The following REX1BD variants were observed in gnomAD, a reference collection of about 807,000 sequenced individuals.
The protein encoded by REX1BD is required for excision 1-B domain containing, also known as required for excision 1-B domain-containing protein.
Under a neutral mutation model 24.4 loss-of-function variants are expected in REX1BD, and 22 were observed. The ratio of observed to expected loss-of-function variants is 0.90; its 90% confidence interval spans 0.64 to 1.29. REX1BD has a LOEUF of 1.29. Ranked by LOEUF, REX1BD falls within the 50% of genes most tolerant of loss-of-function variation. REX1BD has a pLI of 0.00. For missense variants in REX1BD, 293 were observed against 285.3 expected (o/e 1.03, Z -0.19); for synonymous variants, 146 against 125.9 (o/e 1.16, Z -1.07).
At position 18,590,864 on chromosome 19, in the gene REX1BD, T is replaced by C. The variant is rs1236339580; in HGVS notation, c.464T>C (p.Leu155Pro). ...EQTRLGTVALLQLMETPELAG... is the reference protein window; with the variant it reads ...EQTRLGTVALPQLMETPELAG... The stretch of plus-strand genomic sequence containing the variant: ...TCATTCCCCCACCAGGTGGCCCTGC[T>C]GCAGTTGATGGAGACGCCAGAGCTG... Residue 155 changes from leucine (L) to proline (P), a missense_variant, in exon 4 of 5, where the codon CTG becomes CCG. Transcript: ENST00000358607. 6.2e-7 allele frequency: 1 copy of C among 1,606,110 alleles called. No homozygotes were observed. The highest frequency in any genetic ancestry group is 1.1e-5 in the South Asian group (1 of 89,554).
At position 18,589,089 on chromosome 19, in the gene REX1BD, C is replaced by T. The variant is rs1398274119; in HGVS notation, c.182+12C>T. 1.0e-5 allele frequency: 15 copies of T among 1,493,786 alleles called. No homozygotes were observed. Among genetic ancestry groups the T allele is most frequent in the Middle Eastern group, 1.9e-4 (1 of 5,168 alleles). 92.5% of individuals were successfully genotyped at this position (1,493,786 alleles called of 1,614,324 possible). On this transcript the variant is annotated intron_variant, in intron 2 of 4. Coordinates refer to ENST00000358607, the MANE Select transcript of REX1BD (RefSeq NM_001100418.2). The stretch of plus-strand genomic sequence containing the variant: ...CGCCGACTGGAGGAGTGAGTGGGGG[C>T]GCGGAGGGGCTCAGGGTTCGGTCCC...
chr19:18,588,949 C>G (rs1019136023), intron 1 of REX1BD, 46 bp from the exon 2 acceptor site: 27 of 1,524,074 alleles, frequency 1.8e-5, no homozygotes, highest in Non-Finnish European at 2.3e-5. Context: ...CGGCGCAGAC[C>G]CAGGGGCGCG....
At chr19:18,589,202 G>T (rs1202479929) in intron 2 of REX1BD, 125 bp downstream of exon 2, 5 of 1,501,436 alleles carry the variant, frequency 3.3e-6, no homozygotes, top group Non-Finnish European at 4.4e-6. Context: ...CAGATGGGGC[G>T]GGGATTTCGG....
intron 4 of REX1BD, 137 bp downstream of exon 4, chr19:18,591,070 C>A: frequency 4.1e-6 from 3 of 737,712 alleles, no homozygotes; most frequent in Non-Finnish European, 6.2e-6. Flanking sequence ...TGTACACTTC[C>A]CCAGAGGGCA....
intron 3 of REX1BD, chr19:18,590,056 TC>T (rs71166527): frequency 0.19 from 46,884 of 246,978 alleles, 5,659 homozygotes; most frequent in Non-Finnish European, 0.24. Flanking sequence ...AGGCCACGCC[TC>T]CTCCGTATTA....
intron 3 of REX1BD, 72 bp downstream of exon 3, chr19:18,589,755 T>TG: frequency 7.0e-7 from 1 of 1,429,472 alleles, no homozygotes; most frequent in Non-Finnish European, 9.1e-7. Flanking sequence ...CACCCCTGGT[T>TG]GGGGGGTGGT....
rs1975992409 is a variant in REX1BD at position 18,589,522 on chromosome 19, G to C, written c.292G>C (p.Ala98Pro). Residue 98 changes from alanine (A) to proline (P), a missense_variant, in exon 3 of 5, where the codon GCG (alanine) becomes CCG (proline). Physicochemically the swap from Ala to Pro is conservative, Grantham distance 27. Coordinates refer to ENST00000358607, the MANE Select transcript of REX1BD (RefSeq NM_001100418.2). ...GCGCAGCGGCCCTGACTACGACTTC[G>C]CGCGCTACCGGAGCACAGTGCACGG... ...YLRSGPDYDF[A>P]RYRSTVHGVT... 1.3e-6 allele frequency: 2 copies of C among 1,578,548 alleles called. No individual in the cohort carries two copies. Among genetic ancestry groups the C allele is most frequent in the Non-Finnish European group, 1.7e-6 (2 of 1,168,414 alleles).
In REX1BD at chr19:18,590,869, T is replaced by G; in HGVS notation, c.469T>G (p.Leu157Val). 6.2e-7 allele frequency: 1 copy of G among 1,606,254 alleles called. No individual in the cohort carries two copies. Among genetic ancestry groups the G allele is most frequent in the Non-Finnish European group, 8.5e-7 (1 of 1,176,928 alleles). ...CCCCCACCAGGTGGCCCTGCTGCAG[T>G]TGATGGAGACGCCAGAGCTGGCGGG... is the stretch of plus-strand genomic sequence containing the variant. ...TRLGTVALLQ[L>V]METPELAGQE... Residue 157 changes from leucine to valine, a missense_variant, in exon 4 of 5, where the codon TTG becomes GTG. By Grantham distance (32) the Leu-to-Val change is conservative. Coordinates refer to ENST00000358607, the MANE Select transcript of REX1BD (RefSeq NM_001100418.2).
At chr19:18,589,773 T>C (rs12981193) in intron 3 of REX1BD, 90 bp downstream of exon 3, 407,235 of 1,417,144 alleles carry the variant, frequency 0.29, 60,555 homozygotes, top group African/African-American at 0.48. Flanking sequence ...GGTCCCAGTA[T>C]CCCATACACA....
intron 4 of REX1BD, chr19:18,591,210 G>A: frequency 2.7e-6 from 1 of 363,788 alleles, no homozygotes; most frequent in Non-Finnish European, 5.0e-6. Flanking sequence ...CAGACCTTCA[G>A]ATGCCTGTCC....
intron 4 of REX1BD, 173 bp from the exon 5 acceptor site, chr19:18,591,935 A>G (rs1282966325): frequency 1.3e-5 from 9 of 681,314 alleles, no homozygotes; most frequent in Admixed American, 2.6e-5. Context: ...CTATGGGGCC[A>G]CCCCTTCTCC....
chr19:18,590,836 T>G lies in REX1BD; in HGVS notation c.454-18T>G. 6.3e-7 allele frequency: 1 copy of G among 1,597,882 alleles called. No homozygotes were observed. The highest frequency in any genetic ancestry group is 8.5e-7 in the Non-Finnish European group (1 of 1,172,822). ...CTGCTCGTGGAGACATCCTTCGTGTTGCTCATTCCCCCACCAGGTGGCCCT... is the reference window on the plus strand; with the variant it reads ...CTGCTCGTGGAGACATCCTTCGTGTGGCTCATTCCCCCACCAGGTGGCCCT... On this transcript the variant is annotated intron_variant, in intron 3 of 4. Coordinates refer to ENST00000358607, the MANE Select transcript of REX1BD (RefSeq NM_001100418.2).
rs1183194946 is a variant in REX1BD, at chr19:18,589,652, T to A, written c.422T>A (p.Leu141Gln). The part of the protein sequence containing the change: ...QPLLAGHVRS[L>Q]QELEQTRLGT... Reference sequence around the variant, plus strand: ...CTGCTCGCCGGCCACGTGCGCAGCCTGCAGGAGCTGGAGCAGACGCGGCTG... The same window carrying A: ...CTGCTCGCCGGCCACGTGCGCAGCCAGCAGGAGCTGGAGCAGACGCGGCTG... The change falls in exon 3 of 5, where the codon CTG becomes CAG. Residue 141 changes from leucine (L) to glutamine (Q), a missense_variant. Physicochemically the swap from Leu to Gln is moderately radical, Grantham distance 113. Transcript: ENST00000358607. 3 of 1,504,352 alleles carry A rather than the reference T, an allele frequency of 2.0e-6. No individual in the cohort carries two copies. The African/African-American group carries it at 4.2e-5, about 21-fold the overall frequency. The allele number at this position is 1,504,352 out of a possible 1,614,324, so 93.2% of individuals were successfully genotyped here.
At chr19:18,590,713 C>G in intron 3 of REX1BD, 141 bp from the exon 4 acceptor site, 3 of 725,346 alleles carry the variant, frequency 4.1e-6, no homozygotes, top group Non-Finnish European at 6.8e-6. Context: ...TCGGACTCTT[C>G]CTACACAAAG....
In REX1BD at chr19:18,592,297, A is replaced by G; in HGVS notation, c.*117A>G. Reference sequence around the variant, plus strand: ...CCCACTGCGCTGCTGACCTTCCTGCAGTTCCAGACACCTCCCACAATAAAG... The same window carrying G: ...CCCACTGCGCTGCTGACCTTCCTGCGGTTCCAGACACCTCCCACAATAAAG... On this transcript the variant is annotated 3_prime_UTR_variant, in exon 5 of 5. Coordinates refer to ENST00000358607, the MANE Select transcript of REX1BD (RefSeq NM_001100418.2). 9.4e-7 allele frequency: 1 copy of G among 1,061,782 alleles called. No individual in the cohort carries two copies. Among genetic ancestry groups the G allele is most frequent in the Non-Finnish European group, 1.4e-6 (1 of 703,380 alleles). The allele number at this position is 1,061,782 out of a possible 1,614,324, so 65.8% of individuals were successfully genotyped here. A position where few individuals can be genotyped will look rare whatever the true frequency, so the allele number is the denominator to read the frequency against.
Position 18,588,984 on chromosome 19 carries a change from C to G in REX1BD, c.100-11C>G, listed in dbSNP as rs1048067583. 6.5e-7 allele frequency: 1 copy of G among 1,526,872 alleles called. No individual in the cohort carries two copies. The highest frequency in any genetic ancestry group is 1.4e-5 in the African/African-American group (1 of 72,478). The allele number at this position is 1,526,872 out of a possible 1,614,324, so 94.6% of individuals were successfully genotyped here. On this transcript the variant is annotated splice_polypyrimidine_tract_variant and intron_variant, in intron 1 of 4. Coordinates refer to ENST00000358607, the MANE Select transcript of REX1BD (RefSeq NM_001100418.2). ...GGGCTTCATGCCCCAGCCGTGCCCC[C>G]TGTCCCGCAGAAAGACGCCCCGATC...
intron 1 of REX1BD, 27 bp from the exon 2 acceptor site, chr19:18,588,968 G>A (rs1291165677): frequency 3.3e-6 from 5 of 1,524,142 alleles, no homozygotes; most frequent in Non-Finnish European, 3.5e-6. Context: ...CGGGCTTCAT[G>A]CCCCAGCCGT....
At chr19:18,589,121 G>A (rs1286950874) in intron 2 of REX1BD, 44 bp downstream of exon 2, 2 of 1,463,644 alleles carry the variant, frequency 1.4e-6, no homozygotes, top group Non-Finnish European at 1.8e-6. Flanking sequence ...TCCCCCGCCC[G>A]CTCCGGGCGT....
intron 3 of REX1BD, chr19:18,590,225 T>TTTATTTTG: frequency 7.9e-6 from 1 of 127,246 alleles, no homozygotes; most frequent in African/African-American, 3.0e-5. Context: ...TTTTTTTTTT[T>TTTATTTTG]TTTTTTTTTT....
Sources: allele counts gnomAD v4.1 joint callset, GRCh38; gene constraint gnomAD v4.1.1; transcripts MANE v1.5; gene names NCBI Gene and HGNC (gene_info 2026-07-23, HGNC 2026-07-21).